The following C14orf132 variants were observed in gnomAD, a reference collection of about 807,000 sequenced individuals.
The protein encoded by C14orf132 is uncharacterized protein C14orf132.
Under a neutral mutation model 5.8 loss-of-function variants are expected in C14orf132, and 6 were observed. That is an observed-to-expected ratio of 1.03 (90% CI 0.57 to 2.04). The LOEUF (loss-of-function observed/expected upper bound fraction) is 2.04. Ranked by LOEUF, C14orf132 falls within the 30% of genes most tolerant of loss-of-function variation. The probability of loss-of-function intolerance (pLI) is 0.00; values close to 1 mark genes in which losing one functional copy is unlikely to be tolerated. For synonymous variants in C14orf132, 51 were observed against 49.8 expected (o/e 1.02, Z -0.10); for missense variants, 125 against 115.8 (o/e 1.08, Z -0.37).
rs187025302 is a variant in C14orf132 at position 96,072,803 on chromosome 14, G to A, written c.28-13708G>A. ...ATTTGAGATTCACCCGTGTCATTGCGGACATCAATAACCTGTTCATTTTTA... is the reference window on the plus strand; with the variant it reads ...ATTTGAGATTCACCCGTGTCATTGCAGACATCAATAACCTGTTCATTTTTA... On this transcript the variant is annotated intron_variant, in intron 1 of 1. Coordinates refer to ENST00000555004, the MANE Select transcript of C14orf132 (RefSeq NM_001252507.3). Among the ~76,000 whole-genome samples, 23 of 152,232 alleles carry A rather than the reference G, an allele frequency of 1.5e-4. No individual in the cohort carries two copies. In the East Asian group the frequency reaches 1.7e-3, roughly 11 times the overall value.
chr14:96,060,542 A>T (rs1473839851), intron 1 of C14orf132, among the ~76,000 whole-genome samples: 1 of 152,146 alleles, frequency 6.6e-6, no homozygotes, highest in East Asian at 1.9e-4. Context: ...CTGCACCCTC[A>T]TTCTCGTGCT....
chr14:96,058,160 G>T (rs1183793523), intron 1 of C14orf132, among the ~76,000 whole-genome samples: 1 of 152,072 alleles, frequency 6.6e-6, no homozygotes, highest in Non-Finnish European at 1.5e-5. Context: ...CACTTCCTCA[G>T]CTCAGGGTCT....
Position 96,081,768 on chromosome 14 carries a change from T to G in C14orf132, c.28-4743T>G, listed in dbSNP as rs200234835. ...TGTGCACCACCACACTCCGCTAATT[T>G]TTTTTATATTTTGTAGAGATGGAGT... is the stretch of plus-strand genomic sequence containing the variant. On this transcript the variant is annotated intron_variant, in intron 1 of 1. Coordinates refer to ENST00000555004, the MANE Select transcript of C14orf132 (RefSeq NM_001252507.3). Among the ~76,000 whole-genome samples the G allele has an allele frequency of 1.4e-4, 21 of 152,126 alleles. No individual in the cohort carries two copies. The East Asian group carries it at 3.9e-3, about 28-fold the overall frequency.
intron 1 of C14orf132, among the ~76,000 whole-genome samples, chr14:96,059,105 T>C (rs954334734): frequency 3.9e-5 from 6 of 152,048 alleles, no homozygotes; most frequent in African/African-American, 7.2e-5. Flanking sequence ...CTACAAAAAC[T>C]ACAAAAAAGT....
At chr14:96,044,504 G>A (rs1273269966) in intron 1 of C14orf132, among the ~76,000 whole-genome samples, 1 of 152,196 alleles carries the variant, frequency 6.6e-6, no homozygotes, top group Non-Finnish European at 1.5e-5. Flanking sequence ...ACAAATTCTT[G>A]AACCAATCTC....
chr14:96,075,395 A>G (rs941242504), intron 1 of C14orf132, among the ~76,000 whole-genome samples: 9 of 152,194 alleles, frequency 5.9e-5, no homozygotes, highest in Non-Finnish European at 1.2e-4. Context: ...CTCTATATAT[A>G]TATGACTTTT....
At chr14:96,050,991 T>C in intron 1 of C14orf132, 1 of 393,806 alleles carries the variant, frequency 2.5e-6, no homozygotes, top group Non-Finnish European at 4.5e-6. Context: ...AAAAGGAATG[T>C]TGACACTTGA....
At chr14:96,080,786 T>G (rs1043196286) in intron 1 of C14orf132, among the ~76,000 whole-genome samples, 4 of 152,012 alleles carry the variant, frequency 2.6e-5, no homozygotes, top group African/African-American at 9.7e-5. Flanking sequence ...CACATCGCAC[T>G]CAGCCACCCC....
chr14:96,051,981 G>A (rs910720072), intron 1 of C14orf132, among the ~76,000 whole-genome samples: 1 of 152,268 alleles, frequency 6.6e-6, no homozygotes, highest in East Asian at 1.9e-4. Context: ...TGAATCTTGA[G>A]CACCTGCTAA....
At position 96,088,759 on chromosome 14, in the gene C14orf132, A is replaced by G. The variant is rs1888289377; in HGVS notation, c.*2024A>G. 1 of 152,296 alleles carries G rather than the reference A, an allele frequency of 6.6e-6. No individual in the cohort carries two copies. The highest frequency in any genetic ancestry group is 6.5e-5 in the Admixed American group (1 of 15,286). 9.4% of individuals were successfully genotyped at this position (152,296 alleles called of 1,614,324 possible). ...ACAGGAGGCAGCTCCCTGGCCTCCA[A>G]ATGGCCCATGGAGATGGCAGTCGGG... is the stretch of plus-strand genomic sequence containing the variant. On this transcript the variant is annotated 3_prime_UTR_variant, in exon 2 of 2. Transcript: ENST00000555004.
chr14:96,081,045 T>C (rs1456048241), intron 1 of C14orf132, among the ~76,000 whole-genome samples: 1 of 152,242 alleles, frequency 6.6e-6, no homozygotes, highest in African/African-American at 2.4e-5. Context: ...TTGTCTTTCC[T>C]TATAAGAAAC....
chr14:96,064,446 A>ATATGTGTATATG, intron 1 of C14orf132, among the ~76,000 whole-genome samples: 1 of 151,110 alleles, frequency 6.6e-6, no homozygotes, highest in African/African-American at 2.4e-5. Context: ...ATGTGTATAT[A>ATATGTGTATATG]TATGTGTATA....
intron 1 of C14orf132, among the ~76,000 whole-genome samples, chr14:96,058,543 G>T (rs1887248717): frequency 6.6e-6 from 1 of 152,156 alleles, no homozygotes; most frequent in African/African-American, 2.4e-5. Flanking sequence ...AGCAAAGCAA[G>T]AGGCATGAGA....
chr14:96,063,517 C>T (rs1247372041), intron 1 of C14orf132, among the ~76,000 whole-genome samples: 1 of 152,004 alleles, frequency 6.6e-6, no homozygotes, highest in Non-Finnish European at 1.5e-5. Context: ...CCATGTTGGC[C>T]AGGCTGGTCT....
chr14:96,043,478 A>T (rs1266173341), intron 1 of C14orf132, among the ~76,000 whole-genome samples: 1 of 152,090 alleles, frequency 6.6e-6, no homozygotes. Flanking sequence ...TTTGTCTTGC[A>T]CTGTCCCGTC....
chr14:96,062,801 T>G lies in C14orf132; in HGVS notation c.27+23274T>G, dbSNP rs547972572. On this transcript the variant is annotated intron_variant, in intron 1 of 1. Coordinates refer to ENST00000555004, the MANE Select transcript of C14orf132 (RefSeq NM_001252507.3). Reference sequence around the variant, plus strand: ...CTGGGCTGCCAGGTACATTCTTCCTTGGCCTTCGGAGTGCCCTTACATACT... The same window carrying G: ...CTGGGCTGCCAGGTACATTCTTCCTGGGCCTTCGGAGTGCCCTTACATACT... Among the ~76,000 whole-genome samples the G allele has an allele frequency of 5.3e-5, 8 of 152,280 alleles. No homozygotes were observed. The South Asian group carries it at 1.7e-3, about 32-fold the overall frequency.
At chr14:96,040,695 G>T (rs1345949386) in intron 1 of C14orf132, among the ~76,000 whole-genome samples, 1 of 152,078 alleles carries the variant, frequency 6.6e-6, no homozygotes, top group Non-Finnish European at 1.5e-5. Flanking sequence ...TGGCTCTCCG[G>T]CAGCCCCTTA....
At chr14:96,051,785 G>A (rs558322966) in intron 1 of C14orf132, among the ~76,000 whole-genome samples, 110 of 152,296 alleles carry the variant, frequency 7.2e-4, no homozygotes, top group Non-Finnish European at 1.3e-3. Context: ...AGGGCCAGCC[G>A]TGCAGGCAGG....
At chr14:96,048,262 G>A (rs963736971) in intron 1 of C14orf132, among the ~76,000 whole-genome samples, 3 of 152,156 alleles carry the variant, frequency 2.0e-5, no homozygotes, top group African/African-American at 7.2e-5. Context: ...CATTCTGTGG[G>A]CTTGGACAAA....
Sources: allele counts gnomAD v4.1 joint callset (sites outside exome capture counted in the v4.1 genomes callset), GRCh38; gene constraint gnomAD v4.1.1; transcripts MANE v1.5; gene names NCBI Gene and HGNC (gene_info 2026-07-23, HGNC 2026-07-21).